Variants in DLGAP2 observed in about 807,000 individuals in gnomAD.
DLGAP2 encodes disks large-associated protein 2.
Under a neutral mutation model 100.3 loss-of-function variants are expected in DLGAP2, and 26 were observed. That is an observed-to-expected ratio of 0.26 (90% CI 0.19 to 0.36). DLGAP2 has a LOEUF of 0.36. Ranked by LOEUF, DLGAP2 falls within the 10% of genes least tolerant of loss-of-function variation. The pLI is 1.00. For synonymous variants in DLGAP2, 886 were observed against 630.1 expected (o/e 1.41, Z -6.08); for missense variants, 1,858 against 1,453.2 (o/e 1.28, Z -4.53).
At chr8:858,830 T>A (rs532469288) in intron 1 of DLGAP2, among the ~76,000 whole-genome samples, 4 of 152,364 alleles carry the variant, frequency 2.6e-5, no homozygotes, top group African/African-American at 7.2e-5. Flanking sequence ...CGTGCATTTC[T>A]CCAAACCCAC....
intron 3 of DLGAP2, among the ~76,000 whole-genome samples, chr8:1,293,155 C>T (rs1389839246): frequency 1.3e-5 from 2 of 152,120 alleles, no homozygotes; most frequent in Admixed American, 1.3e-4. Context: ...CCCTGTCTCC[C>T]CCTCTCTCTC....
At chr8:1,254,339 C>T (rs148144391) in intron 2 of DLGAP2, among the ~76,000 whole-genome samples, 2 of 152,274 alleles carry the variant, frequency 1.3e-5, no homozygotes, top group East Asian at 1.9e-4. Flanking sequence ...GTCTCCTCCA[C>T]GTGGGAGGCC....
chr8:1,371,780 T>G (rs1802243635), intron 3 of DLGAP2, among the ~76,000 whole-genome samples: 1 of 152,124 alleles, frequency 6.6e-6, no homozygotes, highest in Non-Finnish European at 1.5e-5. Context: ...TTTGTGCATT[T>G]CTCATATTCC....
At chr8:1,033,937 G>A (rs1802053717) in intron 2 of DLGAP2, among the ~76,000 whole-genome samples, 1 of 106,518 alleles carries the variant, frequency 9.4e-6, no homozygotes, top group Non-Finnish European at 1.9e-5. Context: ...GTGTCACCGC[G>A]AGTGGACTCA....
chr8:1,050,775 C>T (rs977650185), intron 2 of DLGAP2, among the ~76,000 whole-genome samples: 1 of 152,206 alleles, frequency 6.6e-6, no homozygotes, highest in Non-Finnish European at 1.5e-5. Context: ...GTTTGAAGGG[C>T]AGATTCTCAG....
At chr8:930,203 G>A (rs1798924285) in intron 2 of DLGAP2, among the ~76,000 whole-genome samples, 2 of 152,176 alleles carry the variant, frequency 1.3e-5, no homozygotes, top group East Asian at 3.9e-4. Context: ...GCAGCCCCTT[G>A]CCTTCCTGGA....
chr8:1,651,977 C>CA (rs1563281607), intron 8 of DLGAP2, among the ~76,000 whole-genome samples: 1 of 152,206 alleles, frequency 6.6e-6, no homozygotes, highest in Non-Finnish European at 1.5e-5. Flanking sequence ...CAGCCTGCCC[C>CA]AGGCACCTAC....
At chr8:1,377,342 A>C (rs1004875169) in intron 3 of DLGAP2, among the ~76,000 whole-genome samples, 1 of 152,260 alleles carries the variant, frequency 6.6e-6, no homozygotes, top group Non-Finnish European at 1.5e-5. Context: ...CAGGAGATCG[A>C]GACCATCCTG....
At chr8:912,288 C>G (rs1287147153) in intron 2 of DLGAP2, among the ~76,000 whole-genome samples, 1 of 152,222 alleles carries the variant, frequency 6.6e-6, no homozygotes, top group Non-Finnish European at 1.5e-5. Context: ...TGTAAAATGA[C>G]TGTGAAACAG....
intron 2 of DLGAP2, among the ~76,000 whole-genome samples, chr8:1,253,394 C>T (rs1040037283): frequency 3.3e-5 from 5 of 152,202 alleles, no homozygotes; most frequent in Non-Finnish European, 2.9e-5. Context: ...GCGGGTGCTG[C>T]GGAGGCCGAC....
At chr8:1,193,182 A>G (rs538565400) in intron 2 of DLGAP2, among the ~76,000 whole-genome samples, 2 of 152,316 alleles carry the variant, frequency 1.3e-5, no homozygotes, top group East Asian at 3.9e-4. Context: ...CTTTGGGTAT[A>G]TAACCGGTAA....
intron 8 of DLGAP2, among the ~76,000 whole-genome samples, chr8:1,651,622 G>T (rs1798166595): frequency 6.6e-6 from 1 of 152,142 alleles, no homozygotes; most frequent in African/African-American, 2.4e-5. Flanking sequence ...GCTCCTGCCT[G>T]GCCCACAGCT....
chr8:1,351,715 C>T (rs1276679780), intron 3 of DLGAP2, among the ~76,000 whole-genome samples: 30 of 47,736 alleles, frequency 6.3e-4, no homozygotes, highest in African/African-American at 8.4e-4. Flanking sequence ...AAAGGCCATG[C>T]GGGTCCTGAG....
At chr8:1,146,174 C>T (rs1006731489) in intron 2 of DLGAP2, among the ~76,000 whole-genome samples, 1 of 152,182 alleles carries the variant, frequency 6.6e-6, no homozygotes, top group Non-Finnish European at 1.5e-5. Flanking sequence ...TCCACAGGAG[C>T]CCCTGCAGGT....
intron 4 of DLGAP2, among the ~76,000 whole-genome samples, chr8:1,507,464 C>T (rs57488071): frequency 0.06 from 9,165 of 152,248 alleles, 967 homozygotes; most frequent in African/African-American, 0.21. Flanking sequence ...GCGGAGCCCG[C>T]GCCCACCCAG....
chr8:1,463,537 C>T (rs1223216130), intron 3 of DLGAP2, among the ~76,000 whole-genome samples: 2 of 152,226 alleles, frequency 1.3e-5, no homozygotes, highest in Non-Finnish European at 2.9e-5. Context: ...CCAGGACGCT[C>T]CTGCCCCGGG....
At chr8:1,242,936 T>C (rs1798829919) in intron 2 of DLGAP2, among the ~76,000 whole-genome samples, 1 of 67,758 alleles carries the variant, frequency 1.5e-5, no homozygotes. Context: ...AGTGGATGGA[T>C]TGATAGATGG....
intron 3 of DLGAP2, among the ~76,000 whole-genome samples, chr8:1,324,431 G>A (rs764710479): frequency 1.6e-4 from 24 of 152,214 alleles, no homozygotes; most frequent in Non-Finnish European, 2.5e-4. Flanking sequence ...ACATGATTTC[G>A]TCTGCGTTAC....
chr8:1,268,545 C>G (rs1799513896), intron 3 of DLGAP2, among the ~76,000 whole-genome samples: 1 of 152,160 alleles, frequency 6.6e-6, no homozygotes, highest in South Asian at 2.1e-4. Flanking sequence ...GAACATCATT[C>G]GTGCCATTTC....
Sources: allele counts gnomAD v4.1 joint callset (sites outside exome capture counted in the v4.1 genomes callset), GRCh38; gene constraint gnomAD v4.1.1; transcripts MANE v1.5; gene names NCBI Gene and HGNC (gene_info 2026-07-23, HGNC 2026-07-21).